Variants in MYOM1 observed in about 807,000 individuals in gnomAD.
MYOM1 encodes the protein myomesin 1.
A neutral mutation model predicts 205.3 loss-of-function variants in MYOM1; 164 were observed. The ratio of observed to expected loss-of-function variants is 0.80; its 90% CI spans 0.70 to 0.91. The LOEUF is 0.91. Among genes scored for constraint, MYOM1 ranks in the 40% least tolerant of loss-of-function variants. The probability of loss-of-function intolerance (pLI) is 0.00; values close to 1 mark genes in which losing one functional copy is unlikely to be tolerated. For missense variants in MYOM1, 2,011 were observed against 2,127.3 expected, an observed-to-expected ratio of 0.95 and a Z score of 1.08; for synonymous variants, 772 against 789.4, an observed-to-expected ratio of 0.98 and a Z score of 0.37.
At chr18:3,071,389 C>A (rs1475595489) in intron 37 of MYOM1, among the ~76,000 whole-genome samples, 1 of 147,562 alleles carries the variant, frequency 6.8e-6, no homozygotes, top group Admixed American at 6.7e-5. Flanking sequence ...GATGGAGTCT[C>A]ACTCTGTTGC....
rs139075595 is a variant in MYOM1 at position 3,202,846 on chromosome 18, C to T, written c.291-8888G>A. Among the ~76,000 whole-genome samples, 35 of 152,056 alleles carry T rather than the reference C, an allele frequency of 2.3e-4. No individual in the cohort carries two copies. The East Asian group carries it at 3.7e-3, about 16-fold the overall frequency. On this transcript the variant is annotated intron_variant, in intron 2 of 37. Transcript: ENST00000356443. ...CTTTCTTGAGTACTTTACCCAAGGA[C>T]GACAGAATACTTACTCTTTTCAACA...
rs910491679 is a variant in MYOM1 at position 3,189,400 on chromosome 18, C to T, written c.432-313G>A. ...TTGATATGGAGTCTCGCTCTTGTTG[C>T]CCAGGCTGGAGTGCAGTGGTGCGAT... On this transcript the variant is annotated intron_variant, in intron 3 of 37. Coordinates refer to ENST00000356443, the MANE Select transcript of MYOM1 (RefSeq NM_003803.4). The surrounding 1 kb of genome is among the most constrained non-coding windows in gnomAD (Gnocchi z 4.8). Among the ~76,000 whole-genome samples the T allele has an allele frequency of 1.3e-5, 2 of 149,592 alleles. No homozygotes were observed. Among genetic ancestry groups the T allele is most frequent in the Middle Eastern group, 3.2e-3 (1 of 316 alleles).
At chr18:3,177,445 C>T (rs867225712) in intron 5 of MYOM1, among the ~76,000 whole-genome samples, 25 of 139,260 alleles carry the variant, frequency 1.8e-4, no homozygotes, top group East Asian at 6.2e-4. Flanking sequence ...GAAGCAATAT[C>T]ATTATTATTA....
At chr18:3,158,757 G>T (rs2080338360) in intron 10 of MYOM1, among the ~76,000 whole-genome samples, 2 of 151,916 alleles carry the variant, frequency 1.3e-5, no homozygotes, top group African/African-American at 4.8e-5. Flanking sequence ...AGGATTATAG[G>T]TATACTCCAC....
intron 3 of MYOM1, among the ~76,000 whole-genome samples, 173 bp downstream of exon 3, chr18:3,193,645 T>A (rs951191056): frequency 6.6e-6 from 1 of 152,168 alleles, no homozygotes; most frequent in South Asian, 2.1e-4. Context: ...CAGTATATAG[T>A]AAGTGCTTAA....
intron 23 of MYOM1, among the ~76,000 whole-genome samples, chr18:3,101,656 C>T (rs2079377595): frequency 6.6e-6 from 1 of 152,144 alleles, no homozygotes; most frequent in Non-Finnish European, 1.5e-5. Context: ...TTTACCATAA[C>T]TTGAACCAGC....
upstream of MYOM1, among the ~76,000 whole-genome samples, chr18:3,220,518 C>T (rs549880063): frequency 6.6e-6 from 1 of 152,336 alleles, no homozygotes; most frequent in South Asian, 2.1e-4. Context: ...TGTTCATTAA[C>T]TAAAGCCTTT....
intron 19 of MYOM1, among the ~76,000 whole-genome samples, chr18:3,122,517 T>C (rs1201345900): frequency 6.6e-6 from 1 of 152,240 alleles, no homozygotes; most frequent in African/African-American, 2.4e-5. Context: ...GTGTGAATTA[T>C]ATCTTAATAA....
upstream of MYOM1, among the ~76,000 whole-genome samples, chr18:3,220,389 A>G (rs1415021923): frequency 6.6e-6 from 1 of 152,242 alleles, no homozygotes; most frequent in Non-Finnish European, 1.5e-5. Flanking sequence ...AGGCAAAACA[A>G]GGAAGAAATG....
chr18:3,188,738 C>T lies in MYOM1; in HGVS notation c.771+10G>A, dbSNP rs781330781. The T allele has an allele frequency of 1.9e-6, 3 of 1,550,630 alleles. No homozygotes were observed. Among genetic ancestry groups the T allele is most frequent in the East Asian group, 2.3e-5 (1 of 44,158 alleles). On this transcript the variant is annotated intron_variant, in intron 4 of 37. Coordinates refer to ENST00000356443, the MANE Select transcript of MYOM1 (RefSeq NM_003803.4). ...ACCTTTGTAAGTTACTTTAAACTGTCTTTTCTTACTGTTTTCCTCAGGGAC... is the reference window on the plus strand; with the variant it reads ...ACCTTTGTAAGTTACTTTAAACTGTTTTTTCTTACTGTTTTCCTCAGGGAC...
chr18:3,142,269 T>A (rs983791680), intron 13 of MYOM1, among the ~76,000 whole-genome samples: 37 of 152,152 alleles, frequency 2.4e-4, no homozygotes, highest in African/African-American at 8.7e-4. Flanking sequence ...GTTTTGGTTT[T>A]TTTTGGAGGG....
chr18:3,229,558 C>T, the MYOM1 span, among the ~76,000 whole-genome samples: 1 of 152,196 alleles, frequency 6.6e-6, no homozygotes, highest in African/African-American at 2.4e-5. Context: ...TATGAGATTG[C>T]TATTTGGAAT....
At chr18:3,173,683 A>G (rs1317089371) in intron 8 of MYOM1, among the ~76,000 whole-genome samples, 1 of 152,014 alleles carries the variant, frequency 6.6e-6, no homozygotes, top group Non-Finnish European at 1.5e-5. Context: ...AGAAAGATGT[A>G]AAAACATTTG....
chr18:3,191,781 T>C lies in MYOM1; in HGVS notation c.431+2037A>G, dbSNP rs191757977. 6.2e-3 allele frequency among the ~76,000 whole-genome samples: 948 copies of C among 151,988 alleles called. 11 individuals carry two copies. The highest frequency in any genetic ancestry group is 0.021 in the African/African-American group (890 of 41,414). Reference sequence around the variant, plus strand: ...CGTGATCTCAGCTCACTGCAACCTCTGCCTCCCAGGTTTAAGCGATTTTCC... The same window carrying C: ...CGTGATCTCAGCTCACTGCAACCTCCGCCTCCCAGGTTTAAGCGATTTTCC... On this transcript the variant is annotated intron_variant, in intron 3 of 37. Transcript: ENST00000356443.
Position 3,118,281 on chromosome 18 carries a change from A to AG in MYOM1, c.3118+1587dup, listed in dbSNP as rs2079634464. ...AGAAGCCAGGGTGTCAGGAGGGTGG[A>AG]GGGCTGCCCCCTCCATTTCTTCTCT... On this transcript the variant is annotated intron_variant, in intron 20 of 37. Transcript: ENST00000356443. Among the ~76,000 whole-genome samples the AG allele has an allele frequency of 2.0e-5, 3 of 152,126 alleles. No individual in the cohort carries two copies. In the South Asian group the frequency reaches 6.2e-4, roughly 32 times the overall value.
intron 18 of MYOM1, among the ~76,000 whole-genome samples, chr18:3,127,184 A>C (rs551492887): frequency 1.0e-3 from 152 of 149,882 alleles, no homozygotes; most frequent in Non-Finnish European, 1.9e-3. Flanking sequence ...CCCAAGGTAT[A>C]ATTTTTGTTT....
chr18:3,186,481 T>G (rs2080811221), intron 5 of MYOM1, among the ~76,000 whole-genome samples: 1 of 152,236 alleles, frequency 6.6e-6, no homozygotes, highest in Non-Finnish European at 1.5e-5. Context: ...TTCATACTTC[T>G]GCCATCTATG....
chr18:3,089,437 A>G (rs1278150706), intron 28 of MYOM1, 100 bp downstream of exon 28: 3 of 882,858 alleles, frequency 3.4e-6, no homozygotes, highest in Non-Finnish European at 5.1e-6. Context: ...CATTATTAAC[A>G]TAATCAATAA....
intron 13 of MYOM1, among the ~76,000 whole-genome samples, chr18:3,144,286 T>A (rs2080093513): frequency 6.6e-6 from 1 of 151,932 alleles, no homozygotes; most frequent in East Asian, 1.9e-4. Context: ...AGGTAGACTG[T>A]GAAAAGATGT....
Sources: gnomAD v4.1 joint callset for allele counts (sites outside exome capture counted in the v4.1 genomes callset) on GRCh38, gnomAD v4.1.1 for gene constraint, Gnocchi (gnomAD v3.1) non-coding constraint, MANE v1.5 for transcripts, NCBI Gene and HGNC (gene_info 2026-07-23, HGNC 2026-07-21) for gene names.